The following ELP4 variants were observed in gnomAD, a reference collection of about 807,000 sequenced individuals.
The protein encoded by ELP4 is elongator complex protein 4.
In ELP4, 51 loss-of-function variants were observed where a neutral mutation model predicts 48.9. The observed-to-expected ratio is 1.04, with a 90% CI of 0.83 to 1.32. ELP4 has a LOEUF of 1.32. Ranked by LOEUF, ELP4 falls within the 40% of genes most tolerant of loss-of-function variation. The probability of loss-of-function intolerance (pLI) is 0.00; values close to 1 mark genes in which losing one functional copy is unlikely to be tolerated. For missense variants in ELP4, 519 were observed against 514.6 expected (o/e 1.01, Z -0.08); for synonymous variants, 210 against 189.2 (o/e 1.11, Z -0.90).
At chr11:31,565,845 T>A (rs1202319808) in intron 3 of ELP4, among the ~76,000 whole-genome samples, 1 of 152,208 alleles carries the variant, frequency 6.6e-6, no homozygotes, top group Admixed American at 6.5e-5. Context: ...AGGATTGTCT[T>A]GGCAAAGTAG....
intron 9 of ELP4, among the ~76,000 whole-genome samples, chr11:31,765,830 CATTT>C (rs1310101040): frequency 6.6e-6 from 1 of 152,052 alleles, no homozygotes; most frequent in African/African-American, 2.4e-5. Context: ...TATTTAAAAA[CATTT>C]ATTAAGAAAT....
intron 9 of ELP4, among the ~76,000 whole-genome samples, chr11:31,695,849 G>C (rs1379696986): frequency 6.8e-6 from 1 of 146,982 alleles, no homozygotes. Flanking sequence ...TTCAGAGCCT[G>C]TTATTTGTCT....
At chr11:31,726,220 A>G in intron 9 of ELP4, among the ~76,000 whole-genome samples, 1 of 152,194 alleles carries the variant, frequency 6.6e-6, no homozygotes, top group Non-Finnish European at 1.5e-5. Context: ...TCAAGGGGTT[A>G]TCAAGGACAG....
At chr11:31,718,027 A>G (rs1161091222) in intron 9 of ELP4, among the ~76,000 whole-genome samples, 1 of 151,902 alleles carries the variant, frequency 6.6e-6, no homozygotes, top group African/African-American at 2.4e-5. Flanking sequence ...AAACTCCTCA[A>G]CTCAAGAGAT....
chr11:31,745,494 C>T (rs1419567687), intron 9 of ELP4, among the ~76,000 whole-genome samples: 30 of 151,912 alleles, frequency 2.0e-4, no homozygotes, highest in African/African-American at 4.1e-4. Context: ...CAAACTATAC[C>T]ACAAGGCTAC....
At chr11:31,696,351 G>C (rs777199535) in intron 9 of ELP4, among the ~76,000 whole-genome samples, 4 of 152,168 alleles carry the variant, frequency 2.6e-5, no homozygotes, top group Non-Finnish European at 4.4e-5. Flanking sequence ...GTGTCCCAGA[G>C]ATTCTGGTAT....
chr11:31,720,106 G>C (rs569163878), intron 9 of ELP4: 9 of 151,986 alleles, frequency 5.9e-5, no homozygotes, highest in Admixed American at 2.0e-4. Flanking sequence ...TATTCAAGCA[G>C]AAGGGAAGAG....
intron 3 of ELP4, among the ~76,000 whole-genome samples, chr11:31,579,639 C>G (rs1182660689): frequency 2.0e-5 from 3 of 152,016 alleles, no homozygotes; most frequent in Non-Finnish European, 4.4e-5. Context: ...TTTATAGGGA[C>G]ATGGATGAAG....
chr11:31,562,577 T>C (rs1957039334), intron 3 of ELP4, among the ~76,000 whole-genome samples: 1 of 152,188 alleles, frequency 6.6e-6, no homozygotes, highest in African/African-American at 2.4e-5. Context: ...CCTTAACTTA[T>C]AAATGTATTA....
intron 9 of ELP4, chr11:31,653,526 T>C (rs1945366838): frequency 6.6e-6 from 1 of 150,546 alleles, no homozygotes. Context: ...TTAAATATTT[T>C]AAACAAAAGC....
At chr11:31,593,976 A>C (rs1957630420) in intron 3 of ELP4, among the ~76,000 whole-genome samples, 1 of 152,190 alleles carries the variant, frequency 6.6e-6, no homozygotes, top group African/African-American at 2.4e-5. Context: ...ATTTAGACTA[A>C]TATATAACAT....
intron 3 of ELP4, among the ~76,000 whole-genome samples, chr11:31,576,423 G>C (rs1330754233): frequency 1.3e-5 from 2 of 152,174 alleles, no homozygotes; most frequent in East Asian, 3.9e-4. Flanking sequence ...ATTGAACGCA[G>C]CTCTGCACCA....
intron 9 of ELP4, among the ~76,000 whole-genome samples, chr11:31,782,268 C>A (rs1170132309): frequency 6.6e-6 from 1 of 152,172 alleles, no homozygotes; most frequent in Non-Finnish European, 1.5e-5. Flanking sequence ...TGCTTGTGGA[C>A]CACAATATTT....
At chr11:31,765,175 TG>T (rs1948017397) in intron 9 of ELP4, among the ~76,000 whole-genome samples, 1 of 152,202 alleles carries the variant, frequency 6.6e-6, no homozygotes, top group African/African-American at 2.4e-5. Flanking sequence ...GGAAATACTC[TG>T]TTATGGTAAT....
At chr11:31,624,980 C>A (rs1944707415) in intron 5 of ELP4, among the ~76,000 whole-genome samples, 1 of 151,336 alleles carries the variant, frequency 6.6e-6, no homozygotes, top group Non-Finnish European at 1.5e-5. Flanking sequence ...TTCTGGACTA[C>A]CTCCTGAAGG....
intron 1 of ELP4, among the ~76,000 whole-genome samples, chr11:31,515,031 G>GTATATA (rs752573937): frequency 2.7e-4 from 31 of 115,570 alleles, no homozygotes; most frequent in South Asian, 1.4e-3. Flanking sequence ...GTGTGTGTGT[G>GTATATA]TGTATATATA....
intron 9 of ELP4, chr11:31,714,741 C>T (rs1946805866): frequency 2.5e-6 from 1 of 398,516 alleles, no homozygotes; most frequent in Non-Finnish European, 4.4e-6. Flanking sequence ...TTCCTTGGCT[C>T]ATGGCTTCTT....
intron 9 of ELP4, chr11:31,663,374 A>G (rs1459009022): frequency 6.6e-6 from 1 of 152,052 alleles, no homozygotes; most frequent in Admixed American, 6.6e-5. Flanking sequence ...GTTTGAATAC[A>G]CAGATGACTT....
intron 4 of ELP4, among the ~76,000 whole-genome samples, chr11:31,602,859 C>A (rs1479478593): frequency 6.6e-6 from 1 of 151,756 alleles, no homozygotes; most frequent in Non-Finnish European, 1.5e-5. Flanking sequence ...GATCTGAAAT[C>A]TTTTATTAGA....
Sources: gnomAD v4.1 joint callset for allele counts (sites outside exome capture counted in the v4.1 genomes callset) on GRCh38, gnomAD v4.1.1 for gene constraint, MANE v1.5 for transcripts, NCBI Gene and HGNC (gene_info 2026-07-23, HGNC 2026-07-21) for gene names.